The following AGAP1 variants were observed in gnomAD, a reference collection of about 807,000 sequenced individuals.
AGAP1 encodes the protein ArfGAP with GTPase domain, ankyrin repeat and PH domain 1, also known as arf-GAP with GTPase, ANK repeat and PH domain-containing protein 1.
In AGAP1, 29 loss-of-function variants were observed where a neutral mutation model predicts 105.3. That is an observed-to-expected ratio of 0.28 (90% confidence interval 0.21 to 0.38). AGAP1 has a LOEUF of 0.38. AGAP1 is among the 10% of genes least tolerant of loss of function. The pLI is 1.00. For missense variants in AGAP1, 998 were observed against 1,165.1 expected (o/e 0.86, Z 2.09); for synonymous variants, 509 against 485.9 (o/e 1.05, Z -0.63).
chr2:235,968,705 C>A (rs575234612), intron 13 of AGAP1, 82 bp downstream of exon 13: 15 of 1,419,210 alleles, frequency 1.1e-5, no homozygotes, highest in Middle Eastern at 1.8e-4. Context: ...AAATTAGACA[C>A]CCTTAGCACA....
intron 13 of AGAP1, among the ~76,000 whole-genome samples, chr2:236,030,552 A>G (rs1044282028): frequency 5.3e-5 from 8 of 152,202 alleles, no homozygotes; most frequent in Non-Finnish European, 8.8e-5. Flanking sequence ...CTGTTGTGCT[A>G]CCAAAGGTGT....
intron 9 of AGAP1, among the ~76,000 whole-genome samples, chr2:235,860,891 A>G (rs1004514849): frequency 6.6e-6 from 1 of 152,206 alleles, no homozygotes; most frequent in Non-Finnish European, 1.5e-5. Context: ...AATATTGTTG[A>G]TGGGGCCCAT....
rs1953789778 is a variant in AGAP1, at chr2:235,754,931, G to A, written c.673+4443G>A. On this transcript the variant is annotated intron_variant, in intron 6 of 17. Coordinates refer to ENST00000304032, the MANE Select transcript of AGAP1 (RefSeq NM_001037131.3). The surrounding 1 kb of genome is among the most constrained non-coding windows in gnomAD (Gnocchi z 4.6). ...TGGCAGCCCAGGCTGCTTTCTGGGGGTGGAGCGTTCTCGCTCCTGCTCACA... is the reference window on the plus strand; with the variant it reads ...TGGCAGCCCAGGCTGCTTTCTGGGGATGGAGCGTTCTCGCTCCTGCTCACA... 1.3e-5 allele frequency among the ~76,000 whole-genome samples: 2 copies of A among 152,276 alleles called. No homozygotes were observed. The highest frequency in any genetic ancestry group is 4.1e-4 in the South Asian group (2 of 4,836).
At position 235,639,938 on chromosome 2, in the gene AGAP1, G is replaced by C. The variant is rs1947135592; in HGVS notation, c.164-69241G>C. 6.6e-6 allele frequency among the ~76,000 whole-genome samples: 1 copy of C among 152,166 alleles called. No homozygotes were observed. The highest frequency in any genetic ancestry group is 1.5e-5 in the Non-Finnish European group (1 of 68,040). ...TATAGTTGTAATTTGCCCATGATGG[G>C]GTTAGAGACCCACAGTTGCTCAAAA... is the stretch of plus-strand genomic sequence containing the variant. On this transcript the variant is annotated intron_variant, in intron 1 of 17. Coordinates refer to ENST00000304032, the MANE Select transcript of AGAP1 (RefSeq NM_001037131.3). The surrounding 1 kb of genome is among the most constrained non-coding windows in gnomAD (Gnocchi z 5.3).
In AGAP1 at chr2:235,958,014, A is replaced by T. The variant is rs879694004; in HGVS notation, c.1484-10448A>T. On this transcript the variant is annotated intron_variant, in intron 12 of 17. Transcript: ENST00000304032. This position sits in a 1 kb window ranked among gnomAD's most constrained non-coding sequence, Gnocchi z 4.1. ...GTCAGCAGGGGCAGGGGGCCGATAC[A>T]TACGTGCTTAGCATTTTCCTCTCTC... Among the ~76,000 whole-genome samples, 4 of 152,236 alleles carry T rather than the reference A, an allele frequency of 2.6e-5. No homozygotes were observed. The East Asian group carries it at 5.8e-4, about 22-fold the overall frequency.
In AGAP1 at chr2:235,936,841, A is replaced by G. The variant is rs1430038679; in HGVS notation, c.1483+5918A>G. Among the ~76,000 whole-genome samples, 1 of 152,170 alleles carries G rather than the reference A, an allele frequency of 6.6e-6. No homozygotes were observed. The highest frequency in any genetic ancestry group is 1.5e-5 in the Non-Finnish European group (1 of 68,048). Reference sequence around the variant, plus strand: ...ATCATCTCTGATAACTGAGCTTCCAAAAGGCTGAGAAACCAAGACCATACT... The same window carrying G: ...ATCATCTCTGATAACTGAGCTTCCAGAAGGCTGAGAAACCAAGACCATACT... On this transcript the variant is annotated intron_variant, in intron 12 of 17. Coordinates refer to ENST00000304032, the MANE Select transcript of AGAP1 (RefSeq NM_001037131.3). The surrounding 1 kb of genome is among the most constrained non-coding windows in gnomAD (Gnocchi z 4.7).
chr2:235,552,365 A>G lies in AGAP1; in HGVS notation c.163+57516A>G, dbSNP rs1943842174. 6.6e-6 allele frequency among the ~76,000 whole-genome samples: 1 copy of G among 152,342 alleles called. No homozygotes were observed. Among genetic ancestry groups the G allele is most frequent in the South Asian group, 2.1e-4 (1 of 4,830 alleles). On this transcript the variant is annotated intron_variant, in intron 1 of 17. Transcript: ENST00000304032. This position sits in a 1 kb window ranked among gnomAD's most constrained non-coding sequence, Gnocchi z 5.9. ...TTTGGAGTGCTGCCTTGGTGTCGTT[A>G]TAATGCAAGTGGGATTTCATTATGT...
chr2:235,709,634 G>GTCAC (rs1199458499), intron 2 of AGAP1, among the ~76,000 whole-genome samples: 2 of 152,176 alleles, frequency 1.3e-5, no homozygotes, highest in Non-Finnish European at 2.9e-5. Context: ...TTTGCAGGAT[G>GTCAC]TCACGGAAGG....
intron 9 of AGAP1, among the ~76,000 whole-genome samples, chr2:235,860,906 CAA>C (rs1405896832): frequency 6.6e-6 from 1 of 152,156 alleles, no homozygotes; most frequent in Non-Finnish European, 1.5e-5. Flanking sequence ...GCCCATAAAA[CAA>C]ATAGTACCAA....
intron 9 of AGAP1, among the ~76,000 whole-genome samples, chr2:235,836,432 C>G (rs1575586185): frequency 6.6e-6 from 1 of 152,180 alleles, no homozygotes; most frequent in East Asian, 1.9e-4. Context: ...TGCATCCACT[C>G]CCTTGTGGGA....
chr2:235,936,955 A>G lies in AGAP1; in HGVS notation c.1483+6032A>G, dbSNP rs2053021154. ...TCTGCTTTTTTTTTTTTAAGGAGAA[A>G]CGCATGCTTAGTACTAAAACATTGT... On this transcript the variant is annotated intron_variant, in intron 12 of 17. Coordinates refer to ENST00000304032, the MANE Select transcript of AGAP1 (RefSeq NM_001037131.3). This position sits in a 1 kb window ranked among gnomAD's most constrained non-coding sequence, Gnocchi z 4.7. Among the ~76,000 whole-genome samples, 1 of 151,892 alleles carries G rather than the reference A, an allele frequency of 6.6e-6. No individual in the cohort carries two copies. Among genetic ancestry groups the G allele is most frequent in the African/African-American group, 2.4e-5 (1 of 41,344 alleles).
rs980134953 is a variant in AGAP1, at chr2:235,692,745, A to G, written c.164-16434A>G. Among the ~76,000 whole-genome samples the G allele has an allele frequency of 6.6e-6, 1 of 152,108 alleles. No homozygotes were observed. Among genetic ancestry groups the G allele is most frequent in the Non-Finnish European group, 1.5e-5 (1 of 68,032 alleles). ...TTCCCTGCCGCCTCGTGTGTCCTGC[A>G]TGGCATTTGTTACAGCCCGCAGTCA... On this transcript the variant is annotated intron_variant, in intron 1 of 17. Coordinates refer to ENST00000304032, the MANE Select transcript of AGAP1 (RefSeq NM_001037131.3). The surrounding 1 kb of genome is among the most constrained non-coding windows in gnomAD (Gnocchi z 5.8).
chr2:235,800,589 G>T (rs1477342917), intron 8 of AGAP1, among the ~76,000 whole-genome samples: 1 of 152,188 alleles, frequency 6.6e-6, no homozygotes, highest in African/African-American at 2.4e-5. Flanking sequence ...GAAGCATTTG[G>T]ACTTGAGAAG....
intron 9 of AGAP1, among the ~76,000 whole-genome samples, chr2:235,848,849 G>A (rs1961824761): frequency 6.6e-6 from 1 of 152,148 alleles, no homozygotes; most frequent in Non-Finnish European, 1.5e-5. Context: ...CTGATAGTGG[G>A]GAAGGTTTTA....
rs934014399 is a variant in AGAP1 at position 235,877,050 on chromosome 2, T to TG, written c.1051-6295_1051-6294insG. ...TTTAGTAGAGTTGGGGCTTCACCAT[T>TG]TGGTCAGGCTGGTCTCAAACTCCTG... On this transcript the variant is annotated intron_variant, in intron 9 of 17. Transcript: ENST00000304032. The surrounding 1 kb of genome is among the most constrained non-coding windows in gnomAD (Gnocchi z 4.3). Among the ~76,000 whole-genome samples the TG allele has an allele frequency of 6.6e-6, 1 of 151,882 alleles. No individual in the cohort carries two copies. The highest frequency in any genetic ancestry group is 2.4e-5 in the African/African-American group (1 of 41,310).
rs559325572 is a variant in AGAP1 at position 235,620,120 on chromosome 2, C to T, written c.164-89059C>T. On this transcript the variant is annotated intron_variant, in intron 1 of 17. Coordinates refer to ENST00000304032, the MANE Select transcript of AGAP1 (RefSeq NM_001037131.3). This position sits in a 1 kb window ranked among gnomAD's most constrained non-coding sequence, Gnocchi z 4.5. ...AGCTGAAGCCCTCGCATGCTGGAGA[C>T]TTGTCATTCTTCTCCTGCCGGGCAT... 6.6e-6 allele frequency among the ~76,000 whole-genome samples: 1 copy of T among 152,298 alleles called. No individual in the cohort carries two copies. The highest frequency in any genetic ancestry group is 2.1e-4 in the South Asian group (1 of 4,818).
At chr2:235,672,486 A>AGG (rs1469897543) in intron 1 of AGAP1, among the ~76,000 whole-genome samples, 3 of 152,214 alleles carry the variant, frequency 2.0e-5, no homozygotes, top group African/African-American at 7.2e-5. Flanking sequence ...TTACTTTAGA[A>AGG]GGCACTGTAT....
intron 1 of AGAP1, among the ~76,000 whole-genome samples, chr2:235,503,243 G>C (rs956434605): frequency 6.6e-6 from 1 of 152,174 alleles, no homozygotes; most frequent in Non-Finnish European, 1.5e-5. Flanking sequence ...CTGTTTGTGC[G>C]TTGAGCTGCC....
At chr2:235,715,502 T>C (rs1337365885) in intron 2 of AGAP1, among the ~76,000 whole-genome samples, 1 of 152,074 alleles carries the variant, frequency 6.6e-6, no homozygotes, top group African/African-American at 2.4e-5. Context: ...AGCAGTGAAG[T>C]GTTCTTGCGG....
Sources: allele counts gnomAD v4.1 joint callset (sites outside exome capture counted in the v4.1 genomes callset), GRCh38; gene constraint gnomAD v4.1.1; non-coding constraint Gnocchi (gnomAD v3.1); transcripts MANE v1.5; gene names NCBI Gene and HGNC (gene_info 2026-07-23, HGNC 2026-07-21).